The following LRRC8D variants were observed in gnomAD, a reference collection of about 807,000 sequenced individuals.
The protein encoded by LRRC8D is volume-regulated anion channel subunit LRRC8D.
In LRRC8D, 20 loss-of-function variants were observed where a neutral mutation model predicts 55.8. The observed-to-expected ratio is 0.36, with a 90% CI of 0.25 to 0.52. LRRC8D has a LOEUF of 0.52. Ranked by LOEUF, LRRC8D falls within the 20% of genes least tolerant of loss-of-function variation. LRRC8D has a pLI of 0.93. For missense variants in LRRC8D, 651 were observed against 1,030.8 expected (o/e 0.63, Z 5.05); for synonymous variants, 352 against 377.0 (o/e 0.93, Z 0.77).
chr1:89,885,120 A>G lies in LRRC8D; in HGVS notation c.-3+41338A>G, dbSNP rs1238921679. On this transcript the variant is annotated intron_variant, in intron 2 of 2. Transcript: ENST00000337338. ...AATCTGTACCATCTGTCTGCTGCCTATTAAATAAAACTACACTCCCTTTAA... is the reference window on the plus strand; with the variant it reads ...AATCTGTACCATCTGTCTGCTGCCTGTTAAATAAAACTACACTCCCTTTAA... Among the ~76,000 whole-genome samples, 5 of 152,210 alleles carry G rather than the reference A, an allele frequency of 3.3e-5. No homozygotes were observed. In the East Asian group the frequency reaches 5.8e-4, roughly 18 times the overall value.
chr1:89,904,004 T>C (rs1444596544), intron 2 of LRRC8D, among the ~76,000 whole-genome samples: 1 of 152,192 alleles, frequency 6.6e-6, no homozygotes, highest in Non-Finnish European at 1.5e-5. Context: ...ATTACCATCC[T>C]GGAATCCCCA....
At position 89,832,458 on chromosome 1, in the gene LRRC8D, G is replaced by T. The variant is rs1269791528; in HGVS notation, c.-148+11167G>T. Among the ~76,000 whole-genome samples the T allele has an allele frequency of 2.6e-5, 4 of 152,130 alleles. No individual in the cohort carries two copies. The East Asian group carries it at 7.7e-4, about 29-fold the overall frequency. On this transcript the variant is annotated intron_variant, in intron 1 of 2. Transcript: ENST00000337338. ...GATCTGAACTATGTCTTTCTAGACT[G>T]GAATAACTTTAAATTTCTAATACTT... is the stretch of plus-strand genomic sequence containing the variant.
chr1:89,916,556 CA>C (rs1475273788), intron 2 of LRRC8D, among the ~76,000 whole-genome samples: 1 of 151,982 alleles, frequency 6.6e-6, no homozygotes, highest in Non-Finnish European at 1.5e-5. Flanking sequence ...ATTATATTGC[CA>C]AAGGTCATTA....
At chr1:89,859,258 CT>C (rs76449111) in intron 2 of LRRC8D, among the ~76,000 whole-genome samples, 246 of 140,028 alleles carry the variant, frequency 1.8e-3, no homozygotes, top group Middle Eastern at 7.4e-3. Context: ...TAATTTGACT[CT>C]TTTTTTTTTT....
intron 2 of LRRC8D, among the ~76,000 whole-genome samples, chr1:89,901,780 T>C (rs1251658730): frequency 6.6e-6 from 1 of 152,238 alleles, no homozygotes; most frequent in African/African-American, 2.4e-5. Context: ...TTAGCTGGAC[T>C]TTCTTATACT....
chr1:89,909,175 G>A (rs1267525736), intron 2 of LRRC8D, among the ~76,000 whole-genome samples: 1 of 152,136 alleles, frequency 6.6e-6, no homozygotes, highest in South Asian at 2.1e-4. Context: ...CTCTATGTGA[G>A]ATTGATGACA....
intron 2 of LRRC8D, among the ~76,000 whole-genome samples, chr1:89,924,754 G>GT (rs1479056406): frequency 1.3e-5 from 2 of 152,040 alleles, no homozygotes; most frequent in Non-Finnish European, 2.9e-5. Context: ...AATATATCAT[G>GT]TTTTTTGCAG....
intron 2 of LRRC8D, among the ~76,000 whole-genome samples, chr1:89,881,560 A>G (rs1483561453): frequency 6.6e-6 from 1 of 152,104 alleles, no homozygotes; most frequent in African/African-American, 2.4e-5. Context: ...ACTTAACAAA[A>G]CTGTGGTTTG....
rs1030957825 is a variant in LRRC8D, at chr1:89,843,584, G to A, written c.-147-54G>A. ...CGCCGCCCTGCACTCCTTCCTCCCC[G>A]CTGCCGACACTTGGATCTCTCTAGC... On this transcript the variant is annotated intron_variant, in intron 1 of 2. Coordinates refer to ENST00000337338, the MANE Select transcript of LRRC8D (RefSeq NM_001134479.2). 7.2e-6 allele frequency: 5 copies of A among 695,952 alleles called. No individual in the cohort carries two copies. In the Admixed American group the frequency reaches 8.1e-5, roughly 11 times the overall value. 43.1% of individuals were successfully genotyped at this position (695,952 alleles called of 1,614,324 possible).
At chr1:89,883,368 G>A (rs1310943606) in intron 2 of LRRC8D, among the ~76,000 whole-genome samples, 2 of 152,158 alleles carry the variant, frequency 1.3e-5, no homozygotes, top group East Asian at 1.9e-4. Context: ...TCTGATCTTC[G>A]TTGGATTAAA....
chr1:89,917,626 A>G (rs1317839956), intron 2 of LRRC8D, among the ~76,000 whole-genome samples: 1 of 151,902 alleles, frequency 6.6e-6, no homozygotes. Context: ...TTCCATCACG[A>G]TTTCCTCAGA....
intron 2 of LRRC8D, among the ~76,000 whole-genome samples, chr1:89,898,368 T>C (rs1025218701): frequency 2.0e-4 from 30 of 152,334 alleles, no homozygotes; most frequent in African/African-American, 5.3e-4. Context: ...GCGTTATTCA[T>C]TGAGCATCTC....
At chr1:89,843,463 G>A (rs933029339) in intron 1 of LRRC8D, 175 bp from the exon 2 acceptor site, 1 of 422,932 alleles carries the variant, frequency 2.4e-6, no homozygotes, top group Admixed American at 4.0e-5. Context: ...TCGGCACCAC[G>A]CGGGCAGCCG....
chr1:89,918,847 T>C (rs1663344064), intron 2 of LRRC8D, among the ~76,000 whole-genome samples: 2 of 152,234 alleles, frequency 1.3e-5, no homozygotes, highest in Admixed American at 6.5e-5. Flanking sequence ...GTATAATTAA[T>C]AGTGACCTTT....
rs544677288 is a variant in LRRC8D at position 89,911,178 on chromosome 1, T to G, written c.-2-21889T>G. Among the ~76,000 whole-genome samples the G allele has an allele frequency of 3.7e-3, 382 of 103,010 alleles. 2 individuals carry two copies. Among genetic ancestry groups the G allele is most frequent in the South Asian group, 0.017 (58 of 3,418 alleles). 67.6% of individuals were successfully genotyped at this position (103,010 alleles called of 152,430 possible). The stretch of plus-strand genomic sequence containing the variant: ...CTCATATGTCCATGCATTTTTGGGG[T>G]TTTTTTTTTTTTAGTTATATAGTTT... On this transcript the variant is annotated intron_variant, in intron 2 of 2. Coordinates refer to ENST00000337338, the MANE Select transcript of LRRC8D (RefSeq NM_001134479.2). This position sits in a 1 kb window ranked among gnomAD's most constrained non-coding sequence, Gnocchi z 4.0.
chr1:89,867,705 G>T lies in LRRC8D; in HGVS notation c.-3+23923G>T, dbSNP rs142018011. ...AACTGCCAAGCTGTTTTCCAAAGTG[G>T]CTGCACCATTTTGCATTCCCACCAG... is the stretch of plus-strand genomic sequence containing the variant. On this transcript the variant is annotated intron_variant, in intron 2 of 2. Transcript: ENST00000337338. Among the ~76,000 whole-genome samples the T allele has an allele frequency of 2.7e-3, 407 of 152,254 alleles. 7 individuals are homozygous for T. Among genetic ancestry groups the T allele is most frequent in the African/African-American group, 9.5e-3 (393 of 41,546 alleles).
chr1:89,896,873 CT>C (rs1287260661), intron 2 of LRRC8D, among the ~76,000 whole-genome samples: 1 of 152,120 alleles, frequency 6.6e-6, no homozygotes, highest in Non-Finnish European at 1.5e-5. Flanking sequence ...AAAAAAATTA[CT>C]ACTTGTTGGA....
intron 2 of LRRC8D, among the ~76,000 whole-genome samples, chr1:89,864,088 C>G (rs1570834836): frequency 6.6e-6 from 1 of 152,140 alleles, no homozygotes; most frequent in Non-Finnish European, 1.5e-5. Flanking sequence ...AGGTCTTAAC[C>G]AGTACTTGGG....
intron 1 of LRRC8D, among the ~76,000 whole-genome samples, chr1:89,824,858 C>A (rs1375774394): frequency 1.3e-5 from 2 of 152,112 alleles, no homozygotes; most frequent in Non-Finnish European, 2.9e-5. Flanking sequence ...TTTGCTGAGA[C>A]CTAAGCATAA....
Sources: gnomAD v4.1 joint callset for allele counts (sites outside exome capture counted in the v4.1 genomes callset) on GRCh38, gnomAD v4.1.1 for gene constraint, Gnocchi (gnomAD v3.1) non-coding constraint, MANE v1.5 for transcripts, NCBI Gene and HGNC (gene_info 2026-07-23, HGNC 2026-07-21) for gene names.